The following CACNA2D3 variants were observed in gnomAD, a reference collection of about 807,000 sequenced individuals.
CACNA2D3 encodes calcium voltage-gated channel auxiliary subunit alpha2delta 3.
A neutral mutation model predicts 160.6 loss-of-function variants in CACNA2D3; 60 were observed. The ratio of observed to expected loss-of-function variants is 0.37; its 90% confidence interval spans 0.30 to 0.46. The LOEUF is 0.46. Ranked by LOEUF, CACNA2D3 falls within the 20% of genes least tolerant of loss-of-function variation. The pLI is 1.00. For synonymous variants in CACNA2D3, 558 were observed against 492.9 expected (o/e 1.13, Z -1.75); for missense variants, 1,205 against 1,365.0 (o/e 0.88, Z 1.85).
intron 11 of CACNA2D3, among the ~76,000 whole-genome samples, chr3:54,684,290 T>A (rs1182586856): frequency 2.0e-5 from 3 of 152,084 alleles, no homozygotes; most frequent in African/African-American, 7.2e-5. Flanking sequence ...AAGACACCAG[T>A]CATTTGATCA....
intron 11 of CACNA2D3, among the ~76,000 whole-genome samples, chr3:54,663,607 C>T (rs546269858): frequency 6.6e-6 from 1 of 152,178 alleles, no homozygotes; most frequent in Non-Finnish European, 1.5e-5. Context: ...GCGATGAAGA[C>T]AACTAAATGC....
intron 4 of CACNA2D3, among the ~76,000 whole-genome samples, chr3:54,465,461 G>C (rs868825070): frequency 6.6e-6 from 1 of 152,068 alleles, no homozygotes; most frequent in African/African-American, 2.4e-5. Flanking sequence ...ATGTACGTAG[G>C]TGTAGGAAAA....
chr3:54,380,466 C>G (rs767285755), intron 3 of CACNA2D3, among the ~76,000 whole-genome samples: 2 of 152,184 alleles, frequency 1.3e-5, no homozygotes, highest in Admixed American at 1.3e-4. Flanking sequence ...CAGCCGGGTG[C>G]GGTGGCTCAC....
chr3:54,438,871 A>G (rs2106789521), intron 4 of CACNA2D3, among the ~76,000 whole-genome samples: 1 of 152,322 alleles, frequency 6.6e-6, no homozygotes, highest in Middle Eastern at 3.4e-3. Context: ...TTGGTAGAAT[A>G]TACATTTTGT....
At chr3:54,363,905 C>A (rs753516729) in intron 3 of CACNA2D3, among the ~76,000 whole-genome samples, 1 of 152,210 alleles carries the variant, frequency 6.6e-6, no homozygotes, top group Non-Finnish European at 1.5e-5. Flanking sequence ...CCTCTGTGCA[C>A]CACCATCACC....
chr3:54,263,098 C>G (rs1341180217), intron 2 of CACNA2D3, among the ~76,000 whole-genome samples: 2 of 152,172 alleles, frequency 1.3e-5, no homozygotes, highest in African/African-American at 4.8e-5. Flanking sequence ...GCTTCTACCA[C>G]TGTTCTAATA....
chr3:54,716,367 G>A (rs1268768774), intron 11 of CACNA2D3, among the ~76,000 whole-genome samples: 2 of 152,076 alleles, frequency 1.3e-5, no homozygotes, highest in African/African-American at 4.8e-5. Flanking sequence ...TGAGGGCTTC[G>A]ATATGTAAAG....
At chr3:54,593,705 C>T (rs1702902667) in intron 9 of CACNA2D3, among the ~76,000 whole-genome samples, 1 of 152,092 alleles carries the variant, frequency 6.6e-6, no homozygotes, top group South Asian at 2.1e-4. Context: ...AGGTATGTTT[C>T]TCCCTTTGCA....
intron 35 of CACNA2D3, among the ~76,000 whole-genome samples, chr3:55,051,180 C>G (rs1704198269): frequency 6.6e-6 from 1 of 152,166 alleles, no homozygotes; most frequent in African/African-American, 2.4e-5. Context: ...GAGAGGTGCT[C>G]TGCTTTTTAG....
rs1360786643 is a variant in CACNA2D3, at chr3:54,837,208, T to C, written c.1448T>C (p.Val483Ala). 1 of 1,614,006 alleles carries C rather than the reference T, an allele frequency of 6.2e-7. No individual in the cohort carries two copies. Among genetic ancestry groups the C allele is most frequent in the Non-Finnish European group, 8.5e-7 (1 of 1,179,872 alleles). Reference protein sequence around the residue: ...PVLMTTVAMPVFSKQNETRSK... With the variant: ...PVLMTTVAMPAFSKQNETRSK... ...CTGATGACCACTGTAGCCATGCCTGTGTTTAGTAAGCAGAACGAAACCGTG... is the reference window on the plus strand; with the variant it reads ...CTGATGACCACTGTAGCCATGCCTGCGTTTAGTAAGCAGAACGAAACCGTG... The change falls in exon 15 of 38, where the codon GTG becomes GCG. Residue 483 changes from valine to alanine, a missense_variant. Around this residue, in one of 3 missense-constraint regions of CACNA2D3, gnomAD observed 911 missense variants for 1,002.2 expected, o/e 0.91. Coordinates refer to ENST00000474759, the MANE Select transcript of CACNA2D3 (RefSeq NM_018398.3).
At chr3:54,638,615 TGAGGGGACAGGC>T (rs1699432613) in intron 10 of CACNA2D3, 1 of 151,834 alleles carries the variant, frequency 6.6e-6, no homozygotes, top group South Asian at 2.1e-4. Context: ...GGGTTGGTAC[TGAGGGGACAGGC>T]GGGAGGGAAA....
rs761085126 is a variant in CACNA2D3 at position 54,928,049 on chromosome 3, A to G, written c.2449+28181A>G. 10 of 776,256 alleles carry G rather than the reference A, an allele frequency of 1.3e-5. 1 individual carries two copies. Among genetic ancestry groups the G allele is most frequent in the South Asian group, 1.1e-4 (7 of 63,660 alleles). The allele number at this position is 776,256 out of a possible 1,614,324, so 48.1% of individuals were successfully genotyped here. On this transcript the variant is annotated intron_variant, in intron 27 of 37. Coordinates refer to ENST00000474759, the MANE Select transcript of CACNA2D3 (RefSeq NM_018398.3). ...TGAACCCTGCCCTTGCTTTTCTTCAATGCAGAAAACAGTTGTTGCTTTCAA... is the reference window on the plus strand; with the variant it reads ...TGAACCCTGCCCTTGCTTTTCTTCAGTGCAGAAAACAGTTGTTGCTTTCAA...
At chr3:54,468,455 G>A (rs1198290770) in intron 4 of CACNA2D3, among the ~76,000 whole-genome samples, 2 of 152,134 alleles carry the variant, frequency 1.3e-5, no homozygotes, top group African/African-American at 4.8e-5. Flanking sequence ...AGATTCCCTC[G>A]GGTGCCTAGG....
At chr3:55,010,807 T>C (rs1192620362) in intron 34 of CACNA2D3, among the ~76,000 whole-genome samples, 2 of 152,244 alleles carry the variant, frequency 1.3e-5, no homozygotes, top group Non-Finnish European at 2.9e-5. Flanking sequence ...TTCTTCTTGC[T>C]CCTGCCCCAG....
chr3:54,179,100 A>G (rs1330050733), intron 2 of CACNA2D3, among the ~76,000 whole-genome samples: 1 of 152,212 alleles, frequency 6.6e-6, no homozygotes, highest in African/African-American at 2.4e-5. Flanking sequence ...GAGAGGCTGT[A>G]CATAGCTCAT....
intron 27 of CACNA2D3, among the ~76,000 whole-genome samples, chr3:54,941,485 C>A (rs374070333): frequency 4.7e-4 from 71 of 152,164 alleles, no homozygotes; most frequent in African/African-American, 1.7e-3. Flanking sequence ...GTCGTTTTCC[C>A]CCTCCATTCA....
At chr3:54,367,616 G>T (rs2107546215) in intron 3 of CACNA2D3, 3 of 361,958 alleles carry the variant, frequency 8.3e-6, no homozygotes, top group South Asian at 6.2e-5. Flanking sequence ...CCTTACAGGG[G>T]CTTGAACGAC....
intron 12 of CACNA2D3, among the ~76,000 whole-genome samples, chr3:54,763,953 A>G (rs1702169586): frequency 6.8e-6 from 1 of 146,468 alleles, no homozygotes; most frequent in Non-Finnish European, 1.5e-5. Flanking sequence ...ATTAACAGGA[A>G]CTTCCTCTGG....
chr3:54,664,172 G>A (rs1313201959), intron 11 of CACNA2D3, among the ~76,000 whole-genome samples: 1 of 152,198 alleles, frequency 6.6e-6, no homozygotes, highest in Non-Finnish European at 1.5e-5. Flanking sequence ...ATGCTATCTT[G>A]GATAGGCTTT....
Sources: allele counts gnomAD v4.1 joint callset (sites outside exome capture counted in the v4.1 genomes callset), GRCh38; gene constraint gnomAD v4.1.1; regional missense constraint gnomAD v4.1.1; transcripts MANE v1.5; gene names NCBI Gene and HGNC (gene_info 2026-07-23, HGNC 2026-07-21).